Variants in LARP1B observed in about 807,000 individuals in gnomAD.
LARP1B encodes the protein la-related protein 1B.
A neutral mutation model predicts 114.2 loss-of-function variants in LARP1B; 76 were observed. The ratio of observed to expected loss-of-function variants is 0.67; its 90% CI spans 0.55 to 0.81. The LOEUF (loss-of-function observed/expected upper bound fraction) is 0.81, where lower values mean the gene tolerates loss of function less well. LARP1B is among the 30% of genes least tolerant of loss of function. The pLI is 0.00. For synonymous variants in LARP1B, 345 were observed against 348.0 expected (o/e 0.99, Z 0.10); for missense variants, 1,014 against 1,075.8 (o/e 0.94, Z 0.80).
intron 1 of LARP1B, among the ~76,000 whole-genome samples, chr4:128,067,118 T>A (rs1763288849): frequency 6.6e-6 from 1 of 152,112 alleles, no homozygotes; most frequent in Non-Finnish European, 1.5e-5. Flanking sequence ...TCAGGCTATT[T>A]TCTTAAGCAA....
In LARP1B at chr4:128,137,097, AAC is replaced by A. The variant is rs377206665; in HGVS notation, c.1524+14912_1524+14913del. Among the ~76,000 whole-genome samples, 84 of 152,284 alleles carry A rather than the reference AAC, an allele frequency of 5.5e-4. 1 individual carries two copies. The highest frequency in any genetic ancestry group is 1.9e-3 in the African/African-American group (81 of 41,568). The stretch of plus-strand genomic sequence containing the variant: ...AGGCTTAAATGCAAATATTAGGAAA[AAC>A]ACTTGAAATTAATAGTCCAATTACC... On this transcript the variant is annotated intron_variant, in intron 11 of 19. Transcript: ENST00000326639.
At chr4:128,167,291 C>T (rs116353641) in intron 12 of LARP1B, among the ~76,000 whole-genome samples, 124 of 151,954 alleles carry the variant, frequency 8.2e-4, no homozygotes, top group South Asian at 3.1e-3. Flanking sequence ...AATTTCTTTA[C>T]AAATCTCCAT....
intron 11 of LARP1B, among the ~76,000 whole-genome samples, chr4:128,147,901 A>G (rs1731051674): frequency 6.6e-6 from 1 of 152,188 alleles, no homozygotes. Context: ...TAATTTATGA[A>G]AAAAATACAG....
At chr4:128,158,236 T>C (rs1736755476) in intron 11 of LARP1B, among the ~76,000 whole-genome samples, 1 of 152,046 alleles carries the variant, frequency 6.6e-6, no homozygotes, top group South Asian at 2.1e-4. Flanking sequence ...ACCTTTCGTA[T>C]AAAGAAAGGT....
chr4:128,113,450 T>C (rs1401541538), intron 9 of LARP1B, among the ~76,000 whole-genome samples: 1 of 151,352 alleles, frequency 6.6e-6, no homozygotes, highest in Non-Finnish European at 1.5e-5. Context: ...CAAGCAATTC[T>C]CTGCCTCATC....
Position 128,069,652 on chromosome 4 carries a change from C to T in LARP1B, c.-77-4808C>T, listed in dbSNP as rs191449666. ...TGGCTGCTGCTAGACAGAAGGGGCACGGATTCTTTTATTAAAATCACAATA... is the reference window on the plus strand; with the variant it reads ...TGGCTGCTGCTAGACAGAAGGGGCATGGATTCTTTTATTAAAATCACAATA... On this transcript the variant is annotated intron_variant, in intron 1 of 19. Coordinates refer to ENST00000326639, the MANE Select transcript of LARP1B (RefSeq NM_018078.4). 397 of 569,766 alleles carry T rather than the reference C, an allele frequency of 7.0e-4. 3 individuals are homozygous for T. In the East Asian group the frequency reaches 0.011, roughly 15 times the overall value. The allele number at this position is 569,766 out of a possible 1,614,324, so 35.3% of individuals were successfully genotyped here. A position where few individuals can be genotyped will look rare whatever the true frequency, so the allele number is the denominator to read the frequency against.
At chr4:128,145,561 C>CCT (rs1729974363) in intron 11 of LARP1B, among the ~76,000 whole-genome samples, 1 of 152,178 alleles carries the variant, frequency 6.6e-6, no homozygotes, top group South Asian at 2.1e-4. Context: ...TTATTGCCCC[C>CCT]CTCTTCCCTG....
intron 11 of LARP1B, among the ~76,000 whole-genome samples, chr4:128,146,086 A>C (rs147062850): frequency 6.6e-6 from 1 of 152,192 alleles, no homozygotes; most frequent in African/African-American, 2.4e-5. Context: ...CCACATGTAC[A>C]TATGTATACA....
At chr4:128,163,095 C>CT (rs548786062) in intron 12 of LARP1B, among the ~76,000 whole-genome samples, 39 of 151,498 alleles carry the variant, frequency 2.6e-4, no homozygotes, top group Non-Finnish European at 4.0e-4. Context: ...TCATTCATCA[C>CT]TTTTTTTTTC....
chr4:128,066,441 G>T (rs1165854237), intron 1 of LARP1B, among the ~76,000 whole-genome samples: 1 of 149,850 alleles, frequency 6.7e-6, no homozygotes, highest in Non-Finnish European at 1.5e-5. Flanking sequence ...GCCTCCCAAA[G>T]TGCTAGGATT....
chr4:128,125,495 C>T (rs1453906733), intron 11 of LARP1B, among the ~76,000 whole-genome samples: 1 of 152,250 alleles, frequency 6.6e-6, no homozygotes, highest in Non-Finnish European at 1.5e-5. Flanking sequence ...CGCCTGTAAT[C>T]CCAGCACTTC....
At chr4:128,122,454 G>GTTTTTTTTTTTTTTTTTTTTT in intron 11 of LARP1B, 1 of 1,416,546 alleles carries the variant, frequency 7.1e-7, no homozygotes, top group Non-Finnish European at 9.3e-7. Context: ...TTTTTTTTTT[G>GTTTTTTTTTTTTTTTTTTTTT]TTTTGTTTTT....
chr4:128,075,099 G>C (rs905259657), intron 3 of LARP1B, 106 bp downstream of exon 3: 12 of 797,546 alleles, frequency 1.5e-5, no homozygotes, highest in Non-Finnish European at 2.5e-5. Context: ...CATACTGGGG[G>C]ACAGATTTTT....
intron 9 of LARP1B, among the ~76,000 whole-genome samples, chr4:128,110,928 G>A (rs1783886799): frequency 6.6e-6 from 1 of 151,860 alleles, no homozygotes; most frequent in Non-Finnish European, 1.5e-5. Context: ...TTTATAAGAA[G>A]CATCTGAGTG....
intron 10 of LARP1B, among the ~76,000 whole-genome samples, chr4:128,116,622 A>AT (rs1785922106): frequency 6.6e-6 from 1 of 152,172 alleles, no homozygotes; most frequent in Non-Finnish European, 1.5e-5. Flanking sequence ...AATGTATGGT[A>AT]TTCTGATGCT....
chr4:128,156,514 G>C (rs1735736783), intron 11 of LARP1B, among the ~76,000 whole-genome samples: 1 of 152,028 alleles, frequency 6.6e-6, no homozygotes. Flanking sequence ...GTCCTCTGGA[G>C]CCCTAACCCC....
chr4:128,115,015 G>A (rs1785315738), intron 10 of LARP1B, among the ~76,000 whole-genome samples: 1 of 151,570 alleles, frequency 6.6e-6, no homozygotes, highest in African/African-American at 2.4e-5. Context: ...TTGGCTCACT[G>A]CCACCTCTGC....
chr4:128,135,489 A>G (rs1353515639), intron 11 of LARP1B, among the ~76,000 whole-genome samples: 4 of 152,220 alleles, frequency 2.6e-5, no homozygotes, highest in African/African-American at 4.8e-5. Context: ...GAGCAGCATT[A>G]TTCACAATAA....
intron 11 of LARP1B, among the ~76,000 whole-genome samples, chr4:128,156,529 A>G (rs989733302): frequency 5.3e-5 from 8 of 152,096 alleles, no homozygotes; most frequent in African/African-American, 1.9e-4. Context: ...AACCCCTTCC[A>G]GATCACTGCC....
Sources: gnomAD v4.1 joint callset for allele counts (sites outside exome capture counted in the v4.1 genomes callset) on GRCh38, gnomAD v4.1.1 for gene constraint, MANE v1.5 for transcripts, NCBI Gene and HGNC (gene_info 2026-07-23, HGNC 2026-07-21) for gene names.